DPP6: variants seen among roughly 807,000 people sequenced by gnomAD.
DPP6 encodes A-type potassium channel modulatory protein DPP6.
Under a neutral mutation model 122.6 loss-of-function variants are expected in DPP6, and 69 were observed. The ratio of observed to expected loss-of-function variants is 0.56; its 90% CI spans 0.46 to 0.69. The LOEUF (loss-of-function observed/expected upper bound fraction) is 0.69. DPP6 is among the 30% of genes least tolerant of loss of function. The pLI is 0.00. For synonymous variants in DPP6, 418 were observed against 433.1 expected (o/e 0.97, Z 0.43); for missense variants, 928 against 1,116.9 (o/e 0.83, Z 2.41).
At chr7:154,435,926 A>AT (rs567736371) in intron 1 of DPP6, among the ~76,000 whole-genome samples, 5 of 152,240 alleles carry the variant, frequency 3.3e-5, no homozygotes, top group Admixed American at 3.3e-4. Context: ...TTCTCCCAAT[A>AT]TTTTTTATAG....
chr7:153,930,132 C>T (rs1801106121), intron 1 of DPP6, among the ~76,000 whole-genome samples: 1 of 152,200 alleles, frequency 6.6e-6, no homozygotes, highest in Non-Finnish European at 1.5e-5. Flanking sequence ...AAACCACTGC[C>T]ATTTCTTGCT....
At chr7:154,633,180 ATTT>A (rs1261804613) in intron 5 of DPP6, among the ~76,000 whole-genome samples, 21 of 152,032 alleles carry the variant, frequency 1.4e-4, no homozygotes, top group Non-Finnish European at 2.6e-4. Flanking sequence ...CAATCTTTGT[ATTT>A]TTTATGATCA....
At chr7:153,763,645 A>G in the DPP6 span, among the ~76,000 whole-genome samples, 3 of 152,186 alleles carry the variant, frequency 2.0e-5, no homozygotes, top group African/African-American at 7.2e-5. Flanking sequence ...AAGTGTGAAT[A>G]GAAATCTTCT....
At chr7:154,349,693 T>G (rs931306933) in intron 1 of DPP6, among the ~76,000 whole-genome samples, 1 of 152,214 alleles carries the variant, frequency 6.6e-6, no homozygotes, top group Non-Finnish European at 1.5e-5. Context: ...TGTTCGCCTG[T>G]GTGACTTAAC....
intron 1 of DPP6, among the ~76,000 whole-genome samples, chr7:154,344,536 A>G (rs982233533): frequency 1.3e-5 from 2 of 152,134 alleles, no homozygotes; most frequent in African/African-American, 4.8e-5. Flanking sequence ...AAATTGAGCT[A>G]CCAGGGAAAG....
At chr7:154,835,222 T>C (rs1800955453) in intron 16 of DPP6, among the ~76,000 whole-genome samples, 1 of 152,046 alleles carries the variant, frequency 6.6e-6, no homozygotes, top group Non-Finnish European at 1.5e-5. Flanking sequence ...AGGGGTGGCC[T>C]TCCAAGAAGA....
intron 1 of DPP6, among the ~76,000 whole-genome samples, chr7:154,334,912 A>G (rs1224016520): frequency 6.9e-6 from 1 of 145,214 alleles, no homozygotes; most frequent in Non-Finnish European, 1.5e-5. Flanking sequence ...AAAGGAACAG[A>G]AAAAAAAAAT....
At position 154,845,154 on chromosome 7, in the gene DPP6, G is replaced by A. The variant is rs75264375; in HGVS notation, c.1667-8626G>A. On this transcript the variant is annotated intron_variant, in intron 16 of 25. Coordinates refer to ENST00000377770, the MANE Select transcript of DPP6 (RefSeq NM_130797.4). The stretch of plus-strand genomic sequence containing the variant: ...TCATTCATTAACCATTAATCTGTTC[G>A]TCAAACATTTTTATACAACGCTGAG... Among the ~76,000 whole-genome samples, 1,132 of 152,240 alleles carry A rather than the reference G, an allele frequency of 7.4e-3. 16 individuals are homozygous for A. The highest frequency in any genetic ancestry group is 0.026 in the African/African-American group (1,077 of 41,534).
At chr7:154,847,358 A>G (rs1270738744) in intron 16 of DPP6, among the ~76,000 whole-genome samples, 1 of 152,254 alleles carries the variant, frequency 6.6e-6, no homozygotes, top group Non-Finnish European at 1.5e-5. Context: ...GAAATGATCA[A>G]CATTAACTTC....
chr7:154,565,446 G>C (rs1332685335), intron 4 of DPP6, among the ~76,000 whole-genome samples: 1 of 152,218 alleles, frequency 6.6e-6, no homozygotes, highest in Non-Finnish European at 1.5e-5. Flanking sequence ...TCAATCAAAG[G>C]AACCCAAGTC....
At position 153,964,950 on chromosome 7, in the gene DPP6, TTCTC is replaced by T. The variant is rs1371749620; in HGVS notation, c.51+77220_51+77223del. Among the ~76,000 whole-genome samples, 283 of 128,962 alleles carry T rather than the reference TTCTC, an allele frequency of 2.2e-3. 43 individuals are homozygous for T. The highest frequency in any genetic ancestry group is 0.011 in the African/African-American group (274 of 25,008). The allele number at this position is 128,962 out of a possible 152,430, so 84.6% of individuals were successfully genotyped here. ...TCTTTCTTTCTTTCTTTTTCTTTCT[TTCTC>T]TCTTTCTTTCTTTCATTTCTTTTCC... is the stretch of plus-strand genomic sequence containing the variant. On this transcript the variant is annotated intron_variant, in intron 1 of 25. Coordinates refer to the DPP6 transcript ENST00000404039.
At chr7:154,881,481 A>G (rs553879733) in intron 21 of DPP6, among the ~76,000 whole-genome samples, 2 of 152,248 alleles carry the variant, frequency 1.3e-5, no homozygotes, top group South Asian at 4.1e-4. Context: ...ACCGCCACCT[A>G]CTATGGCCCT....
intron 2 of DPP6, among the ~76,000 whole-genome samples, chr7:154,454,010 T>G (rs1179922577): frequency 6.6e-6 from 1 of 152,216 alleles, no homozygotes; most frequent in Non-Finnish European, 1.5e-5. Context: ...AATTTTTTTT[T>G]GTCTTGTAGA....
intron 1 of DPP6, among the ~76,000 whole-genome samples, chr7:154,167,919 A>G (rs1797336452): frequency 6.6e-6 from 1 of 152,190 alleles, no homozygotes; most frequent in Non-Finnish European, 1.5e-5. Flanking sequence ...TGTCTTATCC[A>G]GGACAGACTG....
chr7:154,009,828 C>T (rs909429466), intron 1 of DPP6, among the ~76,000 whole-genome samples: 1 of 149,794 alleles, frequency 6.7e-6, no homozygotes, highest in Non-Finnish European at 1.5e-5. Flanking sequence ...AATTACATAA[C>T]CCAAGCATGA....
chr7:154,251,013 G>A (rs1186935263), intron 1 of DPP6, among the ~76,000 whole-genome samples: 1 of 152,232 alleles, frequency 6.6e-6, no homozygotes, highest in Non-Finnish European at 1.5e-5. Context: ...TATGGTACCT[G>A]TCTGAGCCTC....
intron 6 of DPP6, among the ~76,000 whole-genome samples, chr7:154,662,532 TG>T (rs1176822262): frequency 4.5e-3 from 178 of 39,360 alleles, no homozygotes; most frequent in Non-Finnish European, 7.2e-3. Context: ...CATATAGTCA[TG>T]GTGAATCACC....
At chr7:154,711,046 C>T (rs1011829009) in intron 7 of DPP6, among the ~76,000 whole-genome samples, 3 of 152,032 alleles carry the variant, frequency 2.0e-5, no homozygotes, top group African/African-American at 2.4e-5. Context: ...CAAGAGAAGC[C>T]GTGGAATAGA....
At chr7:154,848,807 G>A (rs573005844) in intron 16 of DPP6, among the ~76,000 whole-genome samples, 5 of 151,612 alleles carry the variant, frequency 3.3e-5, no homozygotes, top group East Asian at 3.9e-4. Context: ...TTACACTGAA[G>A]TCTTTAATCG....
Sources: gnomAD v4.1 joint callset for allele counts (sites outside exome capture counted in the v4.1 genomes callset) on GRCh38, gnomAD v4.1.1 for gene constraint, MANE v1.5 for transcripts, NCBI Gene and HGNC (gene_info 2026-07-23, HGNC 2026-07-21) for gene names.